NUP58: variants seen among roughly 807,000 people sequenced by gnomAD.
The protein encoded by NUP58 is nucleoporin 58, also known as nucleoporin p58/p45.
In NUP58, 17 loss-of-function variants were observed where a neutral mutation model predicts 70.1. The observed-to-expected ratio is 0.24, with a 90% CI of 0.17 to 0.36. The LOEUF (loss-of-function observed/expected upper bound fraction) is 0.36, where lower values mean the gene tolerates loss of function less well. Among genes scored for constraint, NUP58 ranks in the 10% least tolerant of loss-of-function variants. The pLI is 1.00. For missense variants in NUP58, 644 were observed against 701.5 expected (o/e 0.92, Z 0.93); for synonymous variants, 275 against 257.6 (o/e 1.07, Z -0.65).
intron 12 of NUP58, among the ~76,000 whole-genome samples, chr13:25,329,604 C>T (rs2031531249): frequency 6.6e-6 from 1 of 152,104 alleles, no homozygotes; most frequent in South Asian, 2.1e-4. Context: ...TTATTTTTAG[C>T]TTAGTTTAGT....
intron 15 of NUP58, 35 bp from the exon 16 acceptor site, chr13:25,339,930 C>A (rs758516415): frequency 6.6e-7 from 1 of 1,517,074 alleles, no homozygotes; most frequent in South Asian, 1.3e-5. Flanking sequence ...TGGAATTCAA[C>A]TTCTGATATG....
At chr13:25,345,009 C>T (rs149689144), downstream of NUP58, among the ~76,000 whole-genome samples, 371 of 152,302 alleles carry the variant, frequency 2.4e-3, no homozygotes, top group Middle Eastern at 0.01. Context: ...CTTGAGTTGG[C>T]ATACCTAACT....
At chr13:25,312,118 G>A (rs1017465422) in intron 3 of NUP58, among the ~76,000 whole-genome samples, 5 of 152,084 alleles carry the variant, frequency 3.3e-5, no homozygotes, top group African/African-American at 1.2e-4. Context: ...TCTAGGAAGT[G>A]TCAGTTAAGA....
chr13:25,349,337 G>A (rs2032082033), intron 3 of NUP58, among the ~76,000 whole-genome samples: 1 of 152,172 alleles, frequency 6.6e-6, no homozygotes, highest in Non-Finnish European at 1.5e-5. Flanking sequence ...TGCTACTAGG[G>A]TTAGAATCTC....
intron 1 of NUP58, among the ~76,000 whole-genome samples, chr13:25,302,607 G>A (rs1475230031): frequency 6.6e-6 from 1 of 152,106 alleles, no homozygotes; most frequent in Non-Finnish European, 1.5e-5. Context: ...GAAACAAAGT[G>A]GTGAGACATT....
At chr13:25,308,480 TTTTTTTTTAC>T (rs1229244171) in intron 2 of NUP58, among the ~76,000 whole-genome samples, 6 of 151,304 alleles carry the variant, frequency 4.0e-5, no homozygotes, top group African/African-American at 1.2e-4. Flanking sequence ...TTTTTTTTTT[TTTTTTTTTAC>T]TTTTTTACTT....
intron 3 of NUP58, among the ~76,000 whole-genome samples, chr13:25,347,497 G>A (rs2032064023): frequency 6.6e-6 from 1 of 152,184 alleles, no homozygotes; most frequent in Non-Finnish European, 1.5e-5. Context: ...GCCTCGGCTT[G>A]CCTCCTGAGC....
At chr13:25,331,986 T>G (rs1436712777) in intron 13 of NUP58, 23 of 1,022,176 alleles carry the variant, frequency 2.3e-5, no homozygotes, top group Non-Finnish European at 2.5e-5. Flanking sequence ...TCATACATAG[T>G]GATTACAAAG....
chr13:25,329,979 C>G (rs2031546209), intron 12 of NUP58, among the ~76,000 whole-genome samples: 1 of 152,078 alleles, frequency 6.6e-6, no homozygotes, highest in Non-Finnish European at 1.5e-5. Context: ...CAGGCATGCA[C>G]CACCACACCT....
intron 13 of NUP58, 199 bp downstream of exon 13, chr13:25,331,757 C>T: frequency 1.4e-6 from 2 of 1,406,266 alleles, no homozygotes; most frequent in Non-Finnish European, 9.2e-7. Flanking sequence ...AATTATACAT[C>T]AATTAGATAT....
chr13:25,332,742 G>A (rs2031654520), intron 13 of NUP58: 1 of 985,422 alleles, frequency 1.0e-6, no homozygotes, highest in Non-Finnish European at 1.2e-6. Flanking sequence ...TGGCTCGCAC[G>A]AGCACTGTCT....
chr13:25,346,839 T>A (rs1593207672), downstream of NUP58, among the ~76,000 whole-genome samples: 1 of 152,168 alleles, frequency 6.6e-6, no homozygotes, highest in Admixed American at 6.5e-5. Flanking sequence ...TTATATTTTA[T>A]GAAGTATTTA....
At chr13:25,334,412 C>T (rs1031078063) in intron 13 of NUP58, 9 of 985,182 alleles carry the variant, frequency 9.1e-6, no homozygotes, top group East Asian at 1.1e-4. Context: ...AGAGCCAAGA[C>T]GTTTTGTTAG....
At chr13:25,331,307 C>A in intron 12 of NUP58, 50 bp from the exon 13 acceptor site, 1 of 1,519,648 alleles carries the variant, frequency 6.6e-7, no homozygotes, top group Non-Finnish European at 9.1e-7. Context: ...ACATATTAAC[C>A]ATAGTCAATG....
intron 6 of NUP58, among the ~76,000 whole-genome samples, chr13:25,316,921 ATATT>A (rs1427133671): frequency 1.3e-5 from 2 of 152,208 alleles, no homozygotes; most frequent in African/African-American, 2.4e-5. Context: ...AATTTTATAA[ATATT>A]TATGTACACA....
In NUP58 at chr13:25,325,025, A is replaced by G. The variant is rs1176377107; in HGVS notation, c.988A>G (p.Lys330Glu). The change falls in exon 10 of 16, where the codon AAG (lysine) becomes GAG (glutamate). Residue 330 changes from lysine to glutamate, a missense_variant. Lys to Glu is a moderately conservative substitution (Grantham distance 56). Coordinates refer to ENST00000381736, the MANE Select transcript of NUP58 (RefSeq NM_014089.4). ...TGCTGAAATAGCTTTAAGAACCCAG[A>G]AGACACCACCTGGACTTCAACATGA... is the stretch of plus-strand genomic sequence containing the variant. ...KNAEIALRTQ[K>E]TPPGLQHEYA... is the part of the protein sequence containing the mutation. 1.9e-6 allele frequency: 3 copies of G among 1,610,934 alleles called. No homozygotes were observed.
rs114559660 is a variant in NUP58, at chr13:25,325,856, G to C, written c.1031+788G>C. The stretch of plus-strand genomic sequence containing the variant: ...ATTACAGATGTGAGCCACCACGCCT[G>C]GCCCCTTACTTATTTTATTCTTTTA... On this transcript the variant is annotated intron_variant, in intron 10 of 15. Transcript: ENST00000381736. 2.5e-3 allele frequency among the ~76,000 whole-genome samples: 375 copies of C among 152,188 alleles called. 1 individual carries two copies. The highest frequency in any genetic ancestry group is 8.6e-3 in the African/African-American group (355 of 41,510).
intron 9 of NUP58, among the ~76,000 whole-genome samples, chr13:25,321,432 A>C (rs548519364): frequency 1.3e-5 from 2 of 152,170 alleles, no homozygotes; most frequent in Non-Finnish European, 2.9e-5. Flanking sequence ...TGGTAATCCA[A>C]CTCCAGAGTT....
intron 2 of NUP58, among the ~76,000 whole-genome samples, chr13:25,308,574 G>A (rs867000594): frequency 6.6e-6 from 1 of 151,820 alleles, no homozygotes; most frequent in East Asian, 1.9e-4. Flanking sequence ...GCCTCTCAGA[G>A]TGCTGGGATT....
Sources: allele counts gnomAD v4.1 joint callset (sites outside exome capture counted in the v4.1 genomes callset), GRCh38; gene constraint gnomAD v4.1.1; transcripts MANE v1.5; gene names NCBI Gene and HGNC (gene_info 2026-07-23, HGNC 2026-07-21).